FAT4: variants seen among roughly 807,000 people sequenced by gnomAD.
The protein encoded by FAT4 is protocadherin Fat 4.
A neutral mutation model predicts 303.9 loss-of-function variants in FAT4; 84 were observed. The observed-to-expected ratio is 0.28, with a 90% CI of 0.23 to 0.33. The LOEUF (loss-of-function observed/expected upper bound fraction) is 0.33. Ranked by LOEUF, FAT4 falls within the 10% of genes least tolerant of loss-of-function variation. FAT4 has a pLI of 1.00. For synonymous variants in FAT4, 2,307 were observed against 2,298.8 expected (o/e 1.00, Z -0.10); for missense variants, 6,005 against 6,146.8 (o/e 0.98, Z 0.77).
At chr4:125,484,371 A>G (rs1023572665) in intron 16 of FAT4, among the ~76,000 whole-genome samples, 4 of 152,168 alleles carry the variant, frequency 2.6e-5, no homozygotes, top group African/African-American at 9.7e-5. Flanking sequence ...CTCTTCATTC[A>G]TGGCATGCCC....
intron 2 of FAT4, among the ~76,000 whole-genome samples, chr4:125,365,549 T>G (rs1732846409): frequency 1.3e-5 from 2 of 152,180 alleles, no homozygotes; most frequent in African/African-American, 4.8e-5. Flanking sequence ...TTCTTGTTAT[T>G]TCTGACGAGA....
Position 125,318,431 on chromosome 4 carries a change from C to A in FAT4, c.2020C>A (p.Arg674Ser). 3.7e-6 allele frequency: 6 copies of A among 1,614,120 alleles called. No individual in the cohort carries two copies. Among genetic ancestry groups the A allele is most frequent in the Non-Finnish European group, 5.1e-6 (6 of 1,180,022 alleles). ...CTCCCCTCCCCAGTCATCAATGGCT[C>A]GCATAAATGTGAGTCTTCTGGATAT... is the stretch of plus-strand genomic sequence containing the variant. ...LGSPPQSSMA[R>S]INVSLLDIND... The change falls in exon 2 of 18, where the codon CGC becomes AGC. Residue 674 changes from arginine (R) to serine (S), a missense_variant. Coordinates refer to ENST00000394329, the MANE Select transcript of FAT4 (RefSeq NM_001291303.3).
At chr4:125,457,458 A>AT (rs1182486506) in intron 10 of FAT4, among the ~76,000 whole-genome samples, 2 of 152,102 alleles carry the variant, frequency 1.3e-5, no homozygotes, top group Non-Finnish European at 2.9e-5. Flanking sequence ...AAACAACTAT[A>AT]TTTTTTAATG....
chr4:125,470,362 C>A (rs1220562447), intron 12 of FAT4, among the ~76,000 whole-genome samples: 2 of 152,176 alleles, frequency 1.3e-5, no homozygotes, highest in African/African-American at 4.8e-5. Context: ...ATGAGAGAGT[C>A]AGCCTATCCT....
intron 7 of FAT4, among the ~76,000 whole-genome samples, chr4:125,423,800 C>G (rs2126034919): frequency 6.6e-6 from 1 of 152,300 alleles, no homozygotes; most frequent in Admixed American, 6.5e-5. Flanking sequence ...GAGCCCATGT[C>G]TTGCATCAGC....
chr4:125,415,767 C>G lies in FAT4; in HGVS notation c.6804C>G (p.Val2268=). Residue 2268 remains valine, a synonymous_variant, in exon 6 of 18, where the codon GTC becomes GTG. Coordinates refer to ENST00000394329, the MANE Select transcript of FAT4 (RefSeq NM_001291303.3). ...AGCTATCTCCATATTCTGTAAATGT[C>G]CCTGAGAATTTAGGGACACTACCCA... ...VFELSPYSVN[V]PENLGTLPRT... The G allele has an allele frequency of 6.2e-7, 1 of 1,613,548 alleles. No homozygotes were observed. The highest frequency in any genetic ancestry group is 1.1e-5 in the South Asian group (1 of 91,050).
At chr4:125,403,636 A>G (rs1734473979) in intron 3 of FAT4, among the ~76,000 whole-genome samples, 1 of 152,118 alleles carries the variant, frequency 6.6e-6, no homozygotes. Context: ...CATTTCTATG[A>G]TGCTATTCTT....
chr4:125,412,459 A>G (rs2126024612), intron 5 of FAT4, among the ~76,000 whole-genome samples: 1 of 151,970 alleles, frequency 6.6e-6, no homozygotes, highest in Non-Finnish European at 1.5e-5. Flanking sequence ...GTTACTTAAT[A>G]TATTTGTCAT....
At position 125,451,248 on chromosome 4, in the gene FAT4, T is replaced by G; in HGVS notation, c.10238T>G (p.Val3413Gly). 6.2e-7 allele frequency: 1 copy of G among 1,614,128 alleles called. No individual in the cohort carries two copies. Among genetic ancestry groups the G allele is most frequent in the Non-Finnish European group, 8.5e-7 (1 of 1,180,026 alleles). The stretch of plus-strand genomic sequence containing the variant: ...ATTTTTACTCTAAACATCTACAGTG[T>G]GCAGATCAGTGAAGGGGTCCCAATA... The part of the protein sequence containing the change: ...PPIFTLNIYS[V>G]QISEGVPIGT... The change falls in exon 10 of 18, where the codon GTG (valine) becomes GGG (glycine). Residue 3413 changes from valine (V) to glycine (G), a missense_variant. Coordinates refer to ENST00000394329, the MANE Select transcript of FAT4 (RefSeq NM_001291303.3).
intron 8 of FAT4, chr4:125,446,044 A>G: frequency 3.0e-6 from 1 of 333,446 alleles, no homozygotes; most frequent in South Asian, 5.1e-5. Context: ...GCACAACTTA[A>G]GAGTCCTAAA....
At chr4:125,486,753 C>T (rs1322025415) in intron 16 of FAT4, among the ~76,000 whole-genome samples, 1 of 152,112 alleles carries the variant, frequency 6.6e-6, no homozygotes, top group Non-Finnish European at 1.5e-5. Flanking sequence ...TGCCCAGACA[C>T]CTCATTAAGA....
Position 125,415,365 on chromosome 4 carries a change from C to G in FAT4, c.6402C>G (p.Leu2134=), listed in dbSNP as rs1578617155. The G allele has an allele frequency of 1.2e-6, 2 of 1,614,032 alleles. No homozygotes were observed. Among genetic ancestry groups the G allele is most frequent in the Non-Finnish European group, 1.7e-6 (2 of 1,179,962 alleles). ...VVATDKGQPS[L]SSSTEVVVMV... ...CTACAGACAAAGGTCAACCATCTCT[C>G]TCTTCATCTACAGAGGTTGTAGTTA... The change falls in exon 6 of 18, where the codon CTC becomes CTG. Residue 2134 remains leucine (L), a synonymous_variant. Coordinates refer to ENST00000394329, the MANE Select transcript of FAT4 (RefSeq NM_001291303.3).
chr4:125,438,302 T>C (rs558952677), intron 8 of FAT4, among the ~76,000 whole-genome samples: 49 of 152,302 alleles, frequency 3.2e-4, no homozygotes, highest in Non-Finnish European at 6.3e-4. Context: ...TTCTAGTGCA[T>C]GTTAAAGATT....
intron 7 of FAT4, among the ~76,000 whole-genome samples, chr4:125,432,213 A>G (rs1187880455): frequency 6.6e-6 from 1 of 152,156 alleles, no homozygotes; most frequent in Admixed American, 6.5e-5. Context: ...CCCTACTGGC[A>G]GTACCTTCCA....
At position 125,450,906 on chromosome 4, in the gene FAT4, G is replaced by A. The variant is rs370611770; in HGVS notation, c.9896G>A (p.Arg3299His). 152 of 1,613,978 alleles carry A rather than the reference G, an allele frequency of 9.4e-5. 1 individual carries two copies. The highest frequency in any genetic ancestry group is 3.1e-4 in the South Asian group (28 of 91,086). ...AAAGGGACAAATGAATATGTGCCCC[G>A]TTTTGTTTCCAAACTTTACTATTTT... is the stretch of plus-strand genomic sequence containing the variant. ...QLKGTNEYVP[R>H]FVSKLYYFEI... The change falls in exon 10 of 18, where the codon CGT (arginine) becomes CAT (histidine). Residue 3299 changes from arginine to histidine, a missense_variant. Transcript: ENST00000394329.
At position 125,422,392 on chromosome 4, in the gene FAT4, T is replaced by C. The variant is rs919573009; in HGVS notation, c.7018+5770T>C. ...TGAATTGTGGTTCCCATAATCCCCA[T>C]GTGTCATGGGAGGGACCTGGTGGAA... is the stretch of plus-strand genomic sequence containing the variant. On this transcript the variant is annotated intron_variant, in intron 7 of 17. Transcript: ENST00000394329. Among the ~76,000 whole-genome samples, 15 of 152,284 alleles carry C rather than the reference T, an allele frequency of 9.9e-5. No homozygotes were observed. In the South Asian group the frequency reaches 3.1e-3, roughly 32 times the overall value.
Position 125,490,525 on chromosome 4 carries a change from A to T in FAT4, c.13709A>T (p.Asp4570Val). 1 of 1,614,166 alleles carries T rather than the reference A, an allele frequency of 6.2e-7. No homozygotes were observed. The highest frequency in any genetic ancestry group is 8.5e-7 in the Non-Finnish European group (1 of 1,180,040). Residue 4570 changes from aspartate (D) to valine (V), a missense_variant, in exon 18 of 18, where the codon GAC becomes GTC. Transcript: ENST00000394329. ...DPDNIPPYGD[D>V]MTVRKQPEGN... ...GACAATATCCCTCCCTATGGGGATGACATGACTGTGAGGAAGCAGCCTGAA... is the reference window on the plus strand; with the variant it reads ...GACAATATCCCTCCCTATGGGGATGTCATGACTGTGAGGAAGCAGCCTGAA...
Position 125,446,447 on chromosome 4 carries a change from A to T in FAT4, c.7354A>T (p.Thr2452Ser). 7 of 1,613,530 alleles carry T rather than the reference A, an allele frequency of 4.3e-6. No homozygotes were observed. Among genetic ancestry groups the T allele is most frequent in the Non-Finnish European group, 5.9e-6 (7 of 1,179,612 alleles). Residue 2452 changes from threonine (T) to serine (S), a missense_variant, in exon 9 of 18, where the codon ACC (threonine) becomes TCC (serine). By Grantham distance (58) the Thr-to-Ser change is moderately conservative. Transcript: ENST00000394329. ...ATCCCCAGAGCCTCTTTCCAGTTCC[A>T]CCAGTGTGCTTGTCACTGTGACTGA... ...AGSPEPLSSS[T>S]SVLVTVTDVN...
chr4:125,337,900 C>T (rs1731635865), intron 2 of FAT4, among the ~76,000 whole-genome samples: 1 of 151,486 alleles, frequency 6.6e-6, no homozygotes, highest in Admixed American at 6.6e-5. Context: ...AAGAGTATCA[C>T]AGTATCAGTT....
Sources: gnomAD v4.1 joint callset for allele counts (sites outside exome capture counted in the v4.1 genomes callset) on GRCh38, gnomAD v4.1.1 for gene constraint, MANE v1.5 for transcripts, NCBI Gene and HGNC (gene_info 2026-07-23, HGNC 2026-07-21) for gene names.